The following CAPG variants were observed in gnomAD, a reference collection of about 807,000 sequenced individuals.
CAPG encodes the protein macrophage-capping protein.
A neutral mutation model predicts 44.6 loss-of-function variants in CAPG; 32 were observed. That is an observed-to-expected ratio of 0.72 (90% CI 0.54 to 0.96). The LOEUF (loss-of-function observed/expected upper bound fraction) is 0.96. Ranked by LOEUF, CAPG falls within the 50% of genes least tolerant of loss-of-function variation. CAPG has a pLI of 0.00. For synonymous variants in CAPG, 175 were observed against 179.6 expected (o/e 0.97, Z 0.20); for missense variants, 412 against 438.3 (o/e 0.94, Z 0.54).
Position 85,409,068 on chromosome 2 carries a change from C to T in CAPG, c.-14+1249G>A, listed in dbSNP as rs539939055. On this transcript the variant is annotated intron_variant, in intron 1 of 9. Coordinates refer to ENST00000263867, the MANE Select transcript of CAPG (RefSeq NM_001747.4). ...GCCATAGTGTGGTGAGTTATGGACCCGCCTACCTCCACTACTACACTGTAG... is the reference window on the plus strand; with the variant it reads ...GCCATAGTGTGGTGAGTTATGGACCTGCCTACCTCCACTACTACACTGTAG... Among the ~76,000 whole-genome samples the T allele has an allele frequency of 3.3e-5, 5 of 152,236 alleles. No individual in the cohort carries two copies. The South Asian group carries it at 6.2e-4, about 19-fold the overall frequency.
chr2:85,401,433 A>T, intron 4 of CAPG, 96 bp downstream of exon 4: 3 of 1,575,428 alleles, frequency 1.9e-6, no homozygotes, highest in Non-Finnish European at 2.6e-6. Context: ...CCGGCTCCAA[A>T]GGCACCCGGG....
At chr2:85,416,596 T>TC (rs370278165) in intron 1 of CAPG, among the ~76,000 whole-genome samples, 83 of 151,288 alleles carry the variant, frequency 5.5e-4, no homozygotes, top group Non-Finnish European at 1.0e-3. Flanking sequence ...ACTGCAACCT[T>TC]CCCCCCCGCC....
At chr2:85,418,420 GGAC>G (rs1399927914) in exon 1 of CAPG, 1 of 152,282 alleles carries the variant, frequency 6.6e-6, no homozygotes, top group Non-Finnish European at 1.5e-5. Flanking sequence ...CCACACGCCA[GGAC>G]GCGTGTAAGG....
intron 5 of CAPG, among the ~76,000 whole-genome samples, chr2:85,399,976 G>A (rs1351437230): frequency 2.6e-5 from 4 of 152,038 alleles, no homozygotes; most frequent in Non-Finnish European, 1.5e-5. Context: ...CCCGACCTCA[G>A]GTGATCTGCC....
intron 1 of CAPG, among the ~76,000 whole-genome samples, chr2:85,407,339 G>A (rs1420765377): frequency 6.6e-6 from 1 of 152,138 alleles, no homozygotes; most frequent in Non-Finnish European, 1.5e-5. Context: ...TCAAAGTGAT[G>A]GTAGTAGTGC....
chr2:85,417,477 CTT>C (rs1242085864), intron 1 of CAPG, among the ~76,000 whole-genome samples: 1,243 of 100,972 alleles, frequency 0.012, 5 homozygotes, highest in Middle Eastern at 0.043. Flanking sequence ...TATCTCAGCT[CTT>C]TTTTTTTTTT....
rs943459661 is a variant in CAPG at position 85,395,842 on chromosome 2, C to T, written c.893-216G>A. 9 of 553,418 alleles carry T rather than the reference C, an allele frequency of 1.6e-5. No homozygotes were observed. The highest frequency in any genetic ancestry group is 2.6e-5 in the Non-Finnish European group (8 of 307,374). 34.3% of individuals were successfully genotyped at this position (553,418 alleles called of 1,614,324 possible). A position where few individuals can be genotyped will look rare whatever the true frequency, so the allele number is the denominator to read the frequency against. On this transcript the variant is annotated intron_variant, in intron 8 of 9. Coordinates refer to ENST00000263867, the MANE Select transcript of CAPG (RefSeq NM_001747.4). The surrounding 1 kb of genome is among the most constrained non-coding windows in gnomAD (Gnocchi z 4.3). ...CGGCAGCACCAAGGTAGATGAAAAC[C>T]CCTCGTCTGCCCGGGTCTGATCATG...
downstream of CAPG, among the ~76,000 whole-genome samples, chr2:85,393,867 G>T (rs1686473822): frequency 6.6e-6 from 1 of 152,180 alleles, no homozygotes; most frequent in African/African-American, 2.4e-5. Context: ...CCCGGCTGGG[G>T]TATCTATGGT....
At position 85,398,707 on chromosome 2, in the gene CAPG, C is replaced by A. The variant is rs1686729909; in HGVS notation, c.742G>T (p.Ala248Ser). The change falls in exon 7 of 10, where the codon GCC becomes TCC. Residue 248 changes from alanine to serine, a missense_variant. By Grantham distance (99) the Ala-to-Ser change is moderately conservative. Transcript: ENST00000263867. ...GGGCCCACCTTATACAGAGCTGCGG[C>A]CTGGGCATTTGCCTTGTCAGCTGTG... ...DLTADKANAQ[A>S]AALYKVSDAT... The A allele has an allele frequency of 6.2e-7, 1 of 1,604,134 alleles. No individual in the cohort carries two copies. Among genetic ancestry groups the A allele is most frequent in the Non-Finnish European group, 8.5e-7 (1 of 1,175,554 alleles).
chr2:85,408,590 CAAAG>C (rs1687281323), intron 1 of CAPG: 1 of 152,246 alleles, frequency 6.6e-6, no homozygotes, highest in Non-Finnish European at 1.5e-5. Flanking sequence ...AGCAGCCCAG[CAAAG>C]AGTCTATTCC....
chr2:85,394,727 A>AGGTG, downstream of CAPG: 1 of 673,424 alleles, frequency 1.5e-6, no homozygotes, highest in Non-Finnish European at 2.7e-6. Flanking sequence ...GGTGGGTGAC[A>AGGTG]GTGAGAATCA....
intron 1 of CAPG, among the ~76,000 whole-genome samples, chr2:85,415,805 T>C (rs909614985): frequency 5.3e-5 from 8 of 152,232 alleles, no homozygotes; most frequent in Non-Finnish European, 7.3e-5. Context: ...CCAGTCCTCC[T>C]ACCTTGGAAG....
In CAPG at chr2:85,395,557, T is replaced by C. The variant is rs1227497070; in HGVS notation, c.962A>G (p.Gln321Arg). The change falls in exon 9 of 10, where the codon CAG (glutamine) becomes CGG (arginine). Residue 321 changes from glutamine (Q) to arginine (R), a missense_variant. Gln to Arg is a conservative substitution (Grantham distance 43). Coordinates refer to ENST00000263867, the MANE Select transcript of CAPG (RefSeq NM_001747.4). This position sits in a 1 kb window ranked among gnomAD's most constrained non-coding sequence, Gnocchi z 4.3. ...QVAEGFISRM[Q>R]YAPNTQVEIL... The stretch of plus-strand genomic sequence containing the variant: ...CCTCACCTGAGTGTTCGGGGCGTAC[T>C]GCATGCGCGAGATGAAGCCCTCGGC... 3.1e-6 allele frequency: 5 copies of C among 1,613,776 alleles called. No individual in the cohort carries two copies. In the South Asian group the frequency reaches 3.3e-5, roughly 11 times the overall value.
chr2:85,418,077 C>T (rs981476679), intron 1 of CAPG, among the ~76,000 whole-genome samples: 1 of 152,272 alleles, frequency 6.6e-6, no homozygotes, highest in Non-Finnish European at 1.5e-5. Flanking sequence ...AGGTAACTAG[C>T]GCTAATGTGC....
chr2:85,406,511 C>G (rs1687163612), intron 1 of CAPG, among the ~76,000 whole-genome samples: 1 of 152,166 alleles, frequency 6.6e-6, no homozygotes. Flanking sequence ...TTCCTCAACA[C>G]CCTGCCCCCG....
upstream of CAPG, among the ~76,000 whole-genome samples, chr2:85,414,960 G>A (rs1232376169): frequency 1.3e-5 from 2 of 152,230 alleles, 1 homozygote; most frequent in East Asian, 3.9e-4. Context: ...CCATGGCCTT[G>A]TGACACAGTG....
chr2:85,399,381 G>T, intron 5 of CAPG, 96 bp from the exon 6 acceptor site: 1 of 1,345,538 alleles, frequency 7.4e-7, no homozygotes, highest in Non-Finnish European at 1.0e-6. Context: ...TCTCCTCTCT[G>T]AACTGTCCCT....
chr2:85,409,346 C>G (rs1687315904), intron 1 of CAPG, among the ~76,000 whole-genome samples: 1 of 152,176 alleles, frequency 6.6e-6, no homozygotes, highest in Non-Finnish European at 1.5e-5. Flanking sequence ...TGCTGGCTGT[C>G]CCATGGTCCT....
downstream of CAPG, among the ~76,000 whole-genome samples, chr2:85,393,623 G>A (rs1470267981): frequency 1.3e-5 from 2 of 152,080 alleles, no homozygotes; most frequent in East Asian, 1.9e-4. Context: ...GGAGTGCAGT[G>A]GTGCAATCTC....
Sources: allele counts gnomAD v4.1 joint callset (sites outside exome capture counted in the v4.1 genomes callset), GRCh38; gene constraint gnomAD v4.1.1; non-coding constraint Gnocchi (gnomAD v3.1); transcripts MANE v1.5; gene names NCBI Gene and HGNC (gene_info 2026-07-23, HGNC 2026-07-21).